Variants in NDUFS1 observed in about 807,000 individuals in gnomAD.
NDUFS1 encodes the protein NADH:ubiquinone oxidoreductase core subunit S1.
A neutral mutation model predicts 84.4 loss-of-function variants in NDUFS1; 61 were observed. That is an observed-to-expected ratio of 0.72 (90% CI 0.59 to 0.89). NDUFS1 has a LOEUF of 0.89. Among genes scored for constraint, NDUFS1 ranks in the 40% least tolerant of loss-of-function variants. The probability of loss-of-function intolerance (pLI) is 0.00; values close to 1 mark genes in which losing one functional copy is unlikely to be tolerated. For missense variants in NDUFS1, 891 were observed against 890.0 expected (o/e 1.00, Z -0.01); for synonymous variants, 275 against 290.0 (o/e 0.95, Z 0.53).
intron 1 of NDUFS1, among the ~76,000 whole-genome samples, chr2:206,158,597 T>C (rs1687771956): frequency 6.6e-6 from 1 of 152,224 alleles, no homozygotes. Flanking sequence ...TCTGGCAGCC[T>C]TAAGTCGGTG....
At chr2:206,149,680 A>G in intron 4 of NDUFS1, 138 bp downstream of exon 4, 1 of 690,936 alleles carries the variant, frequency 1.4e-6, no homozygotes, top group Non-Finnish European at 2.6e-6. Flanking sequence ...AATCAATTGT[A>G]CAAAAGAATT....
chr2:206,130,176 G>A lies in NDUFS1; in HGVS notation c.1620C>T (p.Asn540=). 1 of 1,614,144 alleles carries A rather than the reference G, an allele frequency of 6.2e-7. No homozygotes were observed. The highest frequency in any genetic ancestry group is 8.5e-7 in the Non-Finnish European group (1 of 1,180,028). ...CCAGGAGAAACAGCACCTTGGGAGG[G>A]TTCTTCCGAATTGCTTCCACCCCAG... ...YKPGVEAIRK[N]PPKVLFLLGA... is the part of the protein sequence containing the mutation. The change falls in exon 15 of 19, where the codon AAC becomes AAT. Residue 540 remains asparagine, a synonymous_variant. Coordinates refer to ENST00000233190, the MANE Select transcript of NDUFS1 (RefSeq NM_005006.7).
At chr2:206,151,660 T>C (rs1692374907) in intron 3 of NDUFS1, among the ~76,000 whole-genome samples, 3 of 152,218 alleles carry the variant, frequency 2.0e-5, no homozygotes, top group Non-Finnish European at 2.9e-5. Context: ...CAATTTATTA[T>C]TTCTGGAGGA....
At position 206,133,106 on chromosome 2, in the gene NDUFS1, C is replaced by T. The variant is rs759936498; in HGVS notation, c.1393-1G>A. The T allele has an allele frequency of 6.3e-7, 1 of 1,575,716 alleles. No individual in the cohort carries two copies. Among genetic ancestry groups the T allele is most frequent in the African/African-American group, 1.4e-5 (1 of 73,342 alleles). The stretch of plus-strand genomic sequence containing the variant: ...TTGGTTTTTTAGCTTCCTTTAGGAC[C>T]TATTTAAAAAAAAAAACAACTTTGA... On this transcript the variant is annotated splice_acceptor_variant, in intron 13 of 18. Coordinates refer to ENST00000233190, the MANE Select transcript of NDUFS1 (RefSeq NM_005006.7). LOFTEE classifies it high-confidence loss of function.
rs200134015 is a variant in NDUFS1, at chr2:206,119,819, CTTTTTTT to C, written c.*4359_*4365del. The stretch of plus-strand genomic sequence containing the variant: ...AAGATATTTTTGGATATATATTCAA[CTTTTTTT>C]TTTAAGAGTTGGGGGTCTTGTTATG... On this transcript the variant is annotated 3_prime_UTR_variant, in exon 19 of 19. Transcript: ENST00000233190. 6.7e-6 allele frequency: 1 copy of C among 149,108 alleles called. No individual in the cohort carries two copies. Among genetic ancestry groups the C allele is most frequent in the Non-Finnish European group, 1.5e-5 (1 of 67,086 alleles). The allele number at this position is 149,108 out of a possible 1,614,324, so 9.2% of individuals were successfully genotyped here.
At chr2:206,145,098 A>G in intron 8 of NDUFS1, 72 bp from the exon 9 acceptor site, 1 of 1,486,850 alleles carries the variant, frequency 6.7e-7, no homozygotes, top group Non-Finnish European at 9.1e-7. Flanking sequence ...TGGTTTACCA[A>G]AAAATTTTTT....
At chr2:206,140,764 C>T (rs1691907050) in intron 12 of NDUFS1, among the ~76,000 whole-genome samples, 1 of 151,956 alleles carries the variant, frequency 6.6e-6, no homozygotes, top group African/African-American at 2.4e-5. Context: ...CAAGCGTGAG[C>T]CACCACGCCC....
Position 206,142,562 on chromosome 2 carries a change from A to T in NDUFS1, c.1133+124T>A, listed in dbSNP as rs965490519. The T allele has an allele frequency of 2.5e-6, 3 of 1,210,186 alleles. No homozygotes were observed. The African/African-American group carries it at 4.6e-5, about 19-fold the overall frequency. The allele number at this position is 1,210,186 out of a possible 1,614,324, so 75.0% of individuals were successfully genotyped here. A position where few individuals can be genotyped will look rare whatever the true frequency, so the allele number is the denominator to read the frequency against. On this transcript the variant is annotated intron_variant, in intron 11 of 18. Coordinates refer to ENST00000233190, the MANE Select transcript of NDUFS1 (RefSeq NM_005006.7). ...TCTATTTCCTACAACTTCTGGTTTGATCTTGGTCTATATATGAAAATAAAC... is the reference window on the plus strand; with the variant it reads ...TCTATTTCCTACAACTTCTGGTTTGTTCTTGGTCTATATATGAAAATAAAC...
intron 14 of NDUFS1, among the ~76,000 whole-genome samples, chr2:206,131,608 C>G (rs1056370502): frequency 1.3e-5 from 2 of 151,998 alleles, no homozygotes; most frequent in African/African-American, 4.8e-5. Flanking sequence ...TTGAGACCAG[C>G]CTGGCGAACA....
rs1409392850 is a variant in NDUFS1, at chr2:206,122,642, A to AAAAAAAAAAAAAAAC, written c.*1542_*1543insGTTTTTTTTTTTTTT. 33 of 151,460 alleles carry AAAAAAAAAAAAAAAC rather than the reference A, an allele frequency of 2.2e-4. No homozygotes were observed. Among genetic ancestry groups the AAAAAAAAAAAAAAAC allele is most frequent in the African/African-American group, 7.6e-4 (31 of 41,048 alleles). 9.4% of individuals were successfully genotyped at this position (151,460 alleles called of 1,614,324 possible). ...AAGACTCCATCTCAAAAAAAAAAAAAAAACAAAGGGAAAAAGGGCATCCTA... is the reference window on the plus strand; with the variant it reads ...AAGACTCCATCTCAAAAAAAAAAAAAAAAAAAAAAAAAAACAAACAAAGGGAAAAAGGGCATCCTA... On this transcript the variant is annotated 3_prime_UTR_variant, in exon 19 of 19. Coordinates refer to ENST00000233190, the MANE Select transcript of NDUFS1 (RefSeq NM_005006.7).
At position 206,117,935 on chromosome 2, in the gene NDUFS1, A is replaced by G. The variant is rs921391474; in HGVS notation, c.*6250T>C. The G allele has an allele frequency of 1.9e-4, 29 of 152,318 alleles. No individual in the cohort carries two copies. The highest frequency in any genetic ancestry group is 6.3e-4 in the African/African-American group (26 of 41,558). The allele number at this position is 152,318 out of a possible 1,614,324, so 9.4% of individuals were successfully genotyped here. ...AAATTAATAAGTTATTCATCTCAGTATCTCTTTAGGTGCCAATACTGTAAA... is the reference window on the plus strand; with the variant it reads ...AAATTAATAAGTTATTCATCTCAGTGTCTCTTTAGGTGCCAATACTGTAAA... On this transcript the variant is annotated 3_prime_UTR_variant, in exon 19 of 19. Coordinates refer to ENST00000233190, the MANE Select transcript of NDUFS1 (RefSeq NM_005006.7).
chr2:206,152,296 T>G, intron 3 of NDUFS1, 123 bp downstream of exon 3: 1 of 744,012 alleles, frequency 1.3e-6, no homozygotes. Context: ...ATAATTTTAA[T>G]ATAACTTTGC....
In NDUFS1 at chr2:206,126,792, A is replaced by C. The variant is rs756331701; in HGVS notation, c.1937T>G (p.Leu646Trp). 6.2e-7 allele frequency: 1 copy of C among 1,614,222 alleles called. No individual in the cohort carries two copies. The change falls in exon 17 of 19, where the codon TTG becomes TGG. Residue 646 changes from leucine (L) to tryptophan (W), a missense_variant. By Grantham distance (61) the Leu-to-Trp change is moderately conservative. Coordinates refer to ENST00000233190, the MANE Select transcript of NDUFS1 (RefSeq NM_005006.7). ...AACAAGATTAGGAGAGACTTCTTCC[A>C]ATCTGTTCCTTACTTGATCCAGAGT... ...YDTLDQVRNR[L>W]EEVSPNLVRY...
chr2:206,128,777 T>C (rs1276238619), intron 15 of NDUFS1, among the ~76,000 whole-genome samples: 1 of 151,266 alleles, frequency 6.6e-6, no homozygotes, highest in Non-Finnish European at 1.5e-5. Flanking sequence ...TGAGACTCTA[T>C]CTCAAAAAAA....
intron 3 of NDUFS1, among the ~76,000 whole-genome samples, chr2:206,152,145 G>C (rs1175125832): frequency 1.3e-5 from 2 of 152,166 alleles, no homozygotes; most frequent in African/African-American, 4.8e-5. Context: ...ACAGGCATGA[G>C]CCACTGCGCT....
rs1409392850 is a variant in NDUFS1 at position 206,122,642 on chromosome 2, A to AAAAAAAAAAAAAAAAAAAAC, written c.*1542_*1543insGTTTTTTTTTTTTTTTTTTT. On this transcript the variant is annotated 3_prime_UTR_variant, in exon 19 of 19. Coordinates refer to ENST00000233190, the MANE Select transcript of NDUFS1 (RefSeq NM_005006.7). Reference sequence around the variant, plus strand: ...AAGACTCCATCTCAAAAAAAAAAAAAAAACAAAGGGAAAAAGGGCATCCTA... The same window carrying AAAAAAAAAAAAAAAAAAAAC: ...AAGACTCCATCTCAAAAAAAAAAAAAAAAAAAAAAAAAAAAAAAACAAACAAAGGGAAAAAGGGCATCCTA... The AAAAAAAAAAAAAAAAAAAAC allele has an allele frequency of 6.6e-6, 1 of 151,352 alleles. No individual in the cohort carries two copies. The highest frequency in any genetic ancestry group is 2.4e-5 in the African/African-American group (1 of 40,934). 9.4% of individuals were successfully genotyped at this position (151,352 alleles called of 1,614,324 possible).
intron 4 of NDUFS1, among the ~76,000 whole-genome samples, chr2:206,149,337 T>A (rs767970123): frequency 1.2e-4 from 18 of 152,218 alleles, no homozygotes; most frequent in Non-Finnish European, 2.4e-4. Context: ...ATTCTAATAG[T>A]CAATGCAATT....
In NDUFS1 at chr2:206,138,562, T is replaced by A. The variant is rs746665040; in HGVS notation, c.1315A>T (p.Thr439Ser). 6.8e-6 allele frequency: 11 copies of A among 1,613,816 alleles called. No individual in the cohort carries two copies. Among genetic ancestry groups the A allele is most frequent in the Non-Finnish European group, 7.6e-6 (9 of 1,179,762 alleles). ...VALIGSPVDL[T>S]YTYDHLGDSP... ...TCTCCCAGGTGGTCATATGTGTAAG[T>A]GAGGTCCACTGGACTGCCTATAAGG... Residue 439 changes from threonine (T) to serine (S), a missense_variant, in exon 13 of 19, where the codon ACT becomes TCT. Coordinates refer to ENST00000233190, the MANE Select transcript of NDUFS1 (RefSeq NM_005006.7).
intron 1 of NDUFS1, among the ~76,000 whole-genome samples, chr2:206,157,200 G>A (rs980237307): frequency 2.6e-5 from 4 of 152,174 alleles, no homozygotes; most frequent in Non-Finnish European, 5.9e-5. Context: ...ATCCACCCGC[G>A]TCGACCTCCC....
Sources: allele counts gnomAD v4.1 joint callset (sites outside exome capture counted in the v4.1 genomes callset), GRCh38; gene constraint gnomAD v4.1.1; transcripts MANE v1.5; gene names NCBI Gene and HGNC (gene_info 2026-07-23, HGNC 2026-07-21).